Variants in CNKSR3 observed in about 807,000 individuals in gnomAD.
The protein encoded by CNKSR3 is CNKSR family member 3.
In CNKSR3, 36 loss-of-function variants were observed where a neutral mutation model predicts 67.7. That is an observed-to-expected ratio of 0.53 (90% CI 0.41 to 0.70). CNKSR3 has a LOEUF of 0.70. Among genes scored for constraint, CNKSR3 ranks in the 30% least tolerant of loss-of-function variants. CNKSR3 has a pLI of 0.00. For missense variants in CNKSR3, 630 were observed against 695.2 expected (o/e 0.91, Z 1.05); for synonymous variants, 281 against 271.4 (o/e 1.04, Z -0.35).
intron 1 of CNKSR3, among the ~76,000 whole-genome samples, chr6:154,462,327 A>G (rs1196875540): frequency 6.7e-6 from 1 of 150,072 alleles, no homozygotes; most frequent in African/African-American, 2.5e-5. Flanking sequence ...ACCCTAAGCA[A>G]CTACTAGTCT....
chr6:154,450,339 A>C, intron 1 of CNKSR3, 81 bp from the exon 2 acceptor site: 1 of 1,356,506 alleles, frequency 7.4e-7, no homozygotes, highest in Non-Finnish European at 1.0e-6. Flanking sequence ...ATGTCACATC[A>C]ATCTCAGCAA....
At chr6:154,432,067 T>C (rs543690460) in intron 5 of CNKSR3, among the ~76,000 whole-genome samples, 46 of 152,364 alleles carry the variant, frequency 3.0e-4, no homozygotes, top group Non-Finnish European at 6.0e-4. Context: ...TGTTTAGTTT[T>C]GTAAGAAACT....
At chr6:154,407,073 C>T (rs1784811629) in intron 12 of CNKSR3, among the ~76,000 whole-genome samples, 1 of 152,180 alleles carries the variant, frequency 6.6e-6, no homozygotes, top group Non-Finnish European at 1.5e-5. Context: ...GCTCTCCTCC[C>T]TGGATTGGCC....
chr6:154,415,054 T>C (rs1177135718), intron 9 of CNKSR3, among the ~76,000 whole-genome samples: 5 of 130,922 alleles, frequency 3.8e-5, no homozygotes, highest in Non-Finnish European at 6.1e-5. Context: ...GCGAAGAGTG[T>C]ACCACTGCAC....
intron 9 of CNKSR3, among the ~76,000 whole-genome samples, chr6:154,415,291 C>A (rs900997289): frequency 2.2e-5 from 3 of 138,284 alleles, no homozygotes; most frequent in African/African-American, 8.3e-5. Flanking sequence ...AGCACAGTGG[C>A]GCCATCTTGG....
intron 1 of CNKSR3, among the ~76,000 whole-genome samples, chr6:154,460,939 C>T (rs953817753): frequency 2.0e-5 from 3 of 152,162 alleles, no homozygotes; most frequent in Non-Finnish European, 2.9e-5. Context: ...TGAGCACATC[C>T]ATCACTTCTG....
Position 154,406,461 on chromosome 6 carries a change from C to T in CNKSR3, c.1561G>A (p.Glu521Lys), listed in dbSNP as rs200470148. 7.4e-6 allele frequency: 12 copies of T among 1,614,146 alleles called. No individual in the cohort carries two copies. The highest frequency in any genetic ancestry group is 1.6e-4 in the Middle Eastern group (1 of 6,062). Residue 521 changes from glutamate (E) to lysine (K), a missense_variant, in exon 13 of 13, where the codon GAG (glutamate) becomes AAG (lysine). Physicochemically the swap from Glu to Lys is moderately conservative, Grantham distance 56. Coordinates refer to ENST00000607772, the MANE Select transcript of CNKSR3 (RefSeq NM_173515.4). ...LHSSATIPFQ[E>K]EGTKKKSGSS... is the part of the protein sequence containing the mutation. ...CCAGATTTCTTTTTGGTCCCTTCCT[C>T]CTGGAATGGAATCGTGGCGCTGCTG... is the stretch of plus-strand genomic sequence containing the variant.
At chr6:154,434,996 CTTTT>C (rs367990649) in intron 4 of CNKSR3, among the ~76,000 whole-genome samples, 3 of 136,684 alleles carry the variant, frequency 2.2e-5, no homozygotes, top group Non-Finnish European at 1.6e-5. Flanking sequence ...CTACAAATTC[CTTTT>C]TTTTTTTTTT....
At chr6:154,426,465 C>T (rs1388236513) in intron 7 of CNKSR3, among the ~76,000 whole-genome samples, 2 of 152,044 alleles carry the variant, frequency 1.3e-5, no homozygotes, top group Admixed American at 6.5e-5. Flanking sequence ...AAGCAATTCT[C>T]CTGCCTCAGC....
intron 7 of CNKSR3, among the ~76,000 whole-genome samples, chr6:154,424,668 A>T (rs1462087096): frequency 6.6e-6 from 1 of 152,184 alleles, no homozygotes; most frequent in Non-Finnish European, 1.5e-5. Context: ...GGTAACTGTG[A>T]GTTATTTGTG....
At chr6:154,421,985 TTC>T (rs1472810389) in intron 9 of CNKSR3, among the ~76,000 whole-genome samples, 3 of 129,506 alleles carry the variant, frequency 2.3e-5, no homozygotes, top group Non-Finnish European at 4.7e-5. Context: ...TGTCATTTCA[TTC>T]TTTTTTTTTT....
Position 154,396,190 on chromosome 6 carries a change from G to C in CNKSR3, c.*10164C>G, listed in dbSNP as rs1402729982. Reference sequence around the variant, plus strand: ...ACTTTTCCCTGGCTAATTTGAAACTGCCTGTACGAGCTTTAAATGAGTTCT... The same window carrying C: ...ACTTTTCCCTGGCTAATTTGAAACTCCCTGTACGAGCTTTAAATGAGTTCT... On this transcript the variant is annotated 3_prime_UTR_variant, in exon 13 of 13. Transcript: ENST00000607772. 1 of 152,160 alleles carries C rather than the reference G, an allele frequency of 6.6e-6. No individual in the cohort carries two copies. The highest frequency in any genetic ancestry group is 1.5e-5 in the Non-Finnish European group (1 of 68,048). The allele number at this position is 152,160 out of a possible 1,614,324, so 9.4% of individuals were successfully genotyped here. A position where few individuals can be genotyped will look rare whatever the true frequency, so the allele number is the denominator to read the frequency against.
intron 1 of CNKSR3, among the ~76,000 whole-genome samples, chr6:154,496,886 T>A (rs1212406978): frequency 6.6e-6 from 1 of 152,202 alleles, no homozygotes; most frequent in East Asian, 1.9e-4. Flanking sequence ...CCCACCTAAG[T>A]GCCTCTAGGG....
chr6:154,418,920 C>T (rs573137989), intron 9 of CNKSR3, among the ~76,000 whole-genome samples: 2 of 149,578 alleles, frequency 1.3e-5, no homozygotes, highest in South Asian at 4.2e-4. Flanking sequence ...GGGGTTAATA[C>T]CCAAAGTATA....
intron 9 of CNKSR3, among the ~76,000 whole-genome samples, chr6:154,417,390 G>T (rs930071922): frequency 4.6e-5 from 7 of 152,188 alleles, no homozygotes; most frequent in African/African-American, 1.7e-4. Flanking sequence ...ACTAGGCTGT[G>T]CTGCTTCCTG....
chr6:154,460,957 T>G (rs1786067325), intron 1 of CNKSR3, among the ~76,000 whole-genome samples: 1 of 152,200 alleles, frequency 6.6e-6, no homozygotes, highest in Admixed American at 6.5e-5. Context: ...CTGCTCCACC[T>G]GAGCCATCAG....
chr6:154,433,105 T>G (rs572661727), intron 5 of CNKSR3, among the ~76,000 whole-genome samples: 11 of 152,310 alleles, frequency 7.2e-5, no homozygotes, highest in African/African-American at 2.6e-4. Flanking sequence ...ATCATAAGGT[T>G]TTTGCCAAGA....
intron 1 of CNKSR3, among the ~76,000 whole-genome samples, chr6:154,464,491 C>T (rs148947960): frequency 2.0e-5 from 3 of 151,886 alleles, no homozygotes; most frequent in African/African-American, 4.8e-5. Context: ...CCGAGGCCTG[C>T]GGAACATGAG....
chr6:154,464,784 G>A (rs1278575758), intron 1 of CNKSR3, among the ~76,000 whole-genome samples: 1 of 151,868 alleles, frequency 6.6e-6, no homozygotes, highest in Non-Finnish European at 1.5e-5. Context: ...TAAAGCCCAG[G>A]CCACCAGTGC....
Sources: gnomAD v4.1 joint callset for allele counts (sites outside exome capture counted in the v4.1 genomes callset) on GRCh38, gnomAD v4.1.1 for gene constraint, MANE v1.5 for transcripts, NCBI Gene and HGNC (gene_info 2026-07-23, HGNC 2026-07-21) for gene names.